Variants in PML observed in about 807,000 individuals in gnomAD.
PML encodes the protein protein PML.
In PML, 28 loss-of-function variants were observed where a neutral mutation model predicts 65.2. That is an observed-to-expected ratio of 0.43 (90% CI 0.32 to 0.59). The LOEUF (loss-of-function observed/expected upper bound fraction) is 0.59. Ranked by LOEUF, PML falls within the 20% of genes least tolerant of loss-of-function variation. The pLI is 0.08. For synonymous variants in PML, 500 were observed against 508.8 expected, an observed-to-expected ratio of 0.98 and a Z score of 0.23; for missense variants, 1,021 against 1,203.4, an observed-to-expected ratio of 0.85 and a Z score of 2.24.
chr15:74,044,119 A>C, intron 8 of PML, 102 bp from the exon 9 acceptor site: 2 of 1,094,088 alleles, frequency 1.8e-6, no homozygotes, highest in Non-Finnish European at 2.8e-6. Context: ...CCCCAAGGTG[A>C]GGTCTCTAGA....
At chr15:74,012,242 C>T (rs749570378) in intron 2 of PML, among the ~76,000 whole-genome samples, 1 of 152,214 alleles carries the variant, frequency 6.6e-6, no homozygotes, top group Non-Finnish European at 1.5e-5. Flanking sequence ...GTGGCGCAAT[C>T]TTGGCTCACT....
intron 2 of PML, among the ~76,000 whole-genome samples, chr15:74,004,778 C>T (rs1019555269): frequency 6.7e-6 from 1 of 149,922 alleles, no homozygotes; most frequent in Non-Finnish European, 1.5e-5. Flanking sequence ...ATGATCTTGG[C>T]TCATTGCAAC....
chr15:74,025,166 G>A (rs2071017411), intron 4 of PML: 1 of 546,030 alleles, frequency 1.8e-6, no homozygotes, highest in South Asian at 2.0e-5. Context: ...CATGAGCCAG[G>A]TTCAGTGGGG....
In PML at chr15:74,035,068, A is replaced by T. The variant is rs988892984; in HGVS notation, c.1710+538A>T. ...GAGGTTTATTACTAGAGGCTGGACT[A>T]TCACCTGTCCAGGGGAAAAGGGGAT... is the stretch of plus-strand genomic sequence containing the variant. On this transcript the variant is annotated intron_variant, in intron 7 of 8. Coordinates refer to ENST00000268058, the MANE Select transcript of PML (RefSeq NM_033238.3). This position sits in a 1 kb window ranked among gnomAD's most constrained non-coding sequence, Gnocchi z 4.1. The T allele has an allele frequency of 1.5e-6, 2 of 1,311,764 alleles. No individual in the cohort carries two copies. The highest frequency in any genetic ancestry group is 2.9e-5 in the African/African-American group (2 of 69,310). The allele number at this position is 1,311,764 out of a possible 1,614,324, so 81.3% of individuals were successfully genotyped here. A position where few individuals can be genotyped will look rare whatever the true frequency, so the allele number is the denominator to read the frequency against.
At chr15:74,036,103 G>A (rs770109605) in intron 7 of PML, 3 of 1,613,252 alleles carry the variant, frequency 1.9e-6, no homozygotes, top group East Asian at 2.2e-5. Flanking sequence ...GGCTATGCAT[G>A]GACCTCTGGG....
Position 74,043,258 on chromosome 15 carries a change from C to T in PML, c.1861+119C>T. ...AGCTCTGAGCTCTGGCCAACAACTG[C>T]AGCCAGGCTGGGCAGAGCACTCCGG... is the stretch of plus-strand genomic sequence containing the variant. On this transcript the variant is annotated intron_variant, in intron 8 of 8. Coordinates refer to ENST00000268058, the MANE Select transcript of PML (RefSeq NM_033238.3). This position sits in a 1 kb window ranked among gnomAD's most constrained non-coding sequence, Gnocchi z 4.3. 3 of 1,592,658 alleles carry T rather than the reference C, an allele frequency of 1.9e-6. No homozygotes were observed. The highest frequency in any genetic ancestry group is 2.6e-6 in the Non-Finnish European group (3 of 1,170,242).
Position 74,045,225 on chromosome 15 carries a change from AC to A in PML, c.*219del, listed in dbSNP as rs892903842. On this transcript the variant is annotated 3_prime_UTR_variant, in exon 9 of 9. Transcript: ENST00000268058. ...TGAGCACCCATCACCCTAGGTGTGC[AC>A]CAGACTCCTATTAGCCCCTCCTTCC... is the stretch of plus-strand genomic sequence containing the variant. 4 of 566,400 alleles carry A rather than the reference AC, an allele frequency of 7.1e-6. No homozygotes were observed. Among genetic ancestry groups the A allele is most frequent in the Admixed American group, 6.4e-5 (2 of 31,164 alleles). The allele number at this position is 566,400 out of a possible 1,614,324, so 35.1% of individuals were successfully genotyped here.
At chr15:74,029,100 G>T (rs961406048) in intron 4 of PML, among the ~76,000 whole-genome samples, 6 of 150,106 alleles carry the variant, frequency 4.0e-5, no homozygotes, top group African/African-American at 1.5e-4. Context: ...ATTTTTTATT[G>T]CACCATTTGA....
chr15:73,995,676 A>G (rs1340403333), intron 1 of PML, among the ~76,000 whole-genome samples: 1 of 152,218 alleles, frequency 6.6e-6, no homozygotes, highest in African/African-American at 2.4e-5. Flanking sequence ...GAGCACTTCA[A>G]ATGTGCCAGG....
Position 74,032,573 on chromosome 15 carries a change from C to G in PML, c.1256C>G (p.Pro419Arg), listed in dbSNP as rs866169120. The G allele has an allele frequency of 1.2e-5, 20 of 1,614,030 alleles. No individual in the cohort carries two copies. In the Middle Eastern group the frequency reaches 2.3e-3, roughly 186 times the overall value. Reference sequence around the variant, plus strand: ...GACTCAATTTTCCCAACTTTGCAGCCCGAGGAGGCAGAGAGAGTGAAGGCC... The same window carrying G: ...GACTCAATTTTCCCAACTTTGCAGCGCGAGGAGGCAGAGAGAGTGAAGGCC... ...TPRDPIDVDL[P>R]EEAERVKAQV... Residue 419 changes from proline (P) to arginine (R), a missense_variant and splice_region_variant, in exon 5 of 9, where the codon CCC (proline) becomes CGC (arginine). By Grantham distance (103) the Pro-to-Arg change is moderately radical. Coordinates refer to ENST00000268058, the MANE Select transcript of PML (RefSeq NM_033238.3).
rs1332707935 is a variant in PML, at chr15:74,035,555, C to T, written c.1710+1025C>T. 1 of 1,610,876 alleles carries T rather than the reference C, an allele frequency of 6.2e-7. No individual in the cohort carries two copies. Among genetic ancestry groups the T allele is most frequent in the Non-Finnish European group, 8.5e-7 (1 of 1,179,442 alleles). On this transcript the variant is annotated intron_variant, in intron 7 of 8. Transcript: ENST00000268058. The surrounding 1 kb of genome is among the most constrained non-coding windows in gnomAD (Gnocchi z 4.1). ...TGGTCCAAGCCAGCACTCCTGCCAT[C>T]ACAGGGCCCCTCAACCATCCTGCCA...
intron 4 of PML, chr15:74,025,709 G>A (rs1335989004): frequency 2.6e-5 from 4 of 152,308 alleles, no homozygotes; most frequent in African/African-American, 9.6e-5. Flanking sequence ...TTTTCCGAGT[G>A]GAAATGCAGT....
chr15:74,017,313 C>G (rs1027114951), intron 2 of PML, among the ~76,000 whole-genome samples: 1 of 152,216 alleles, frequency 6.6e-6, no homozygotes, highest in Non-Finnish European at 1.5e-5. Context: ...TAGCCAATTT[C>G]TCTGATTCCA....
chr15:74,008,565 C>T (rs144741603), intron 2 of PML, among the ~76,000 whole-genome samples: 7,491 of 151,486 alleles, frequency 0.049, 245 homozygotes, highest in African/African-American at 0.088. Flanking sequence ...GGTGAAACCC[C>T]GTCTCTACTA....
intron 2 of PML, among the ~76,000 whole-genome samples, chr15:74,018,557 C>T (rs559630796): frequency 3.3e-5 from 5 of 151,886 alleles, no homozygotes; most frequent in African/African-American, 1.2e-4. Context: ...CTGAGTTGCC[C>T]AGGCTGGCCT....
intron 2 of PML, among the ~76,000 whole-genome samples, chr15:74,002,611 G>GTT (rs34203409): frequency 1.3e-3 from 164 of 128,790 alleles, no homozygotes; most frequent in East Asian, 2.5e-3. Flanking sequence ...GCCCGGCTAA[G>GTT]TTTTTTTTTT....
At chr15:74,004,513 G>C (rs972072844) in intron 2 of PML, among the ~76,000 whole-genome samples, 2 of 152,072 alleles carry the variant, frequency 1.3e-5, no homozygotes, top group Non-Finnish European at 2.9e-5. Flanking sequence ...TATTGCCCAG[G>C]CTGGTCTAAA....
chr15:74,032,772 A>C, intron 5 of PML, 57 bp downstream of exon 5: 1 of 1,579,066 alleles, frequency 6.3e-7, no homozygotes. Flanking sequence ...CCACCAGGAA[A>C]GTGAGCTGGC....
chr15:73,997,952 G>A, intron 1 of PML, 52 bp from the exon 2 acceptor site: 3 of 1,524,956 alleles, frequency 2.0e-6, no homozygotes, highest in East Asian at 2.2e-5. Context: ...TGGCCGGTAG[G>A]TGGGGGCTTT....
Sources: allele counts gnomAD v4.1 joint callset (sites outside exome capture counted in the v4.1 genomes callset), GRCh38; gene constraint gnomAD v4.1.1; non-coding constraint Gnocchi (gnomAD v3.1); transcripts MANE v1.5; gene names NCBI Gene and HGNC (gene_info 2026-07-23, HGNC 2026-07-21).